Variants in AFF1 observed in about 807,000 individuals in gnomAD.
AFF1 encodes ALF transcription elongation factor 1.
In AFF1, 48 loss-of-function variants were observed where a neutral mutation model predicts 121.7. That is an observed-to-expected ratio of 0.39 (90% confidence interval 0.31 to 0.50). The LOEUF is 0.50. Among genes scored for constraint, AFF1 ranks in the 20% least tolerant of loss-of-function variants. The pLI is 0.76. For synonymous variants in AFF1, 613 were observed against 563.0 expected (o/e 1.09, Z -1.26); for missense variants, 1,523 against 1,511.7 (o/e 1.01, Z -0.12).
intron 2 of AFF1, among the ~76,000 whole-genome samples, chr4:86,981,889 A>C (rs1007615445): frequency 5.3e-5 from 8 of 152,218 alleles, no homozygotes; most frequent in Admixed American, 4.6e-4. Flanking sequence ...TCTGCTCTTC[A>C]GTTTATACAC....
intron 2 of AFF1, chr4:87,007,518 C>A: frequency 1.3e-6 from 2 of 1,525,364 alleles, no homozygotes; most frequent in Non-Finnish European, 1.8e-6. Context: ...AGGAGACGGA[C>A]AGGAAGCAGC....
At chr4:87,000,325 C>T (rs541467354) in intron 2 of AFF1, among the ~76,000 whole-genome samples, 6 of 152,194 alleles carry the variant, frequency 3.9e-5, no homozygotes, top group Admixed American at 6.5e-5. Context: ...AAAACTGTCA[C>T]GAAAAACAAG....
Position 86,939,906 on chromosome 4 carries a change from A to T in AFF1, c.-37+4666A>T, listed in dbSNP as rs145480207. Among the ~76,000 whole-genome samples the T allele has an allele frequency of 3.5e-3, 540 of 152,368 alleles. 3 individuals are homozygous for T. The highest frequency in any genetic ancestry group is 6.0e-3 in the Non-Finnish European group (407 of 68,028). On this transcript the variant is annotated intron_variant, in intron 1 of 20. Coordinates refer to ENST00000395146, the MANE Select transcript of AFF1 (RefSeq NM_001166693.3). ...CTGTTATTTCTGGAACAACACTTTGAGAACCACTGTGGTATAGCAGAGAGT... is the reference window on the plus strand; with the variant it reads ...CTGTTATTTCTGGAACAACACTTTGTGAACCACTGTGGTATAGCAGAGAGT...
intron 2 of AFF1, among the ~76,000 whole-genome samples, chr4:87,019,868 T>G (rs1049993498): frequency 5.8e-5 from 4 of 68,656 alleles, no homozygotes; most frequent in Non-Finnish European, 8.3e-5. Flanking sequence ...GACCTGTGAC[T>G]GGTGTCTGAA....
intron 2 of AFF1, among the ~76,000 whole-genome samples, chr4:87,035,218 G>A (rs773908489): frequency 7.9e-5 from 12 of 152,086 alleles, no homozygotes; most frequent in Non-Finnish European, 1.6e-4. Flanking sequence ...AACGCAGGAA[G>A]GGTGCTCTTA....
chr4:87,138,178 C>T lies in AFF1; in HGVS notation c.*2477C>T, dbSNP rs1349016840. 1 of 232,326 alleles carries T rather than the reference C, an allele frequency of 4.3e-6. No individual in the cohort carries two copies. Among genetic ancestry groups the T allele is most frequent in the African/African-American group, 2.2e-5 (1 of 45,234 alleles). The allele number at this position is 232,326 out of a possible 1,614,324, so 14.4% of individuals were successfully genotyped here. A position where few individuals can be genotyped will look rare whatever the true frequency, so the allele number is the denominator to read the frequency against. Reference sequence around the variant, plus strand: ...CCTAAAGGAGAGTAACTAATGGTAACCTTTTTAATAGAGTATGTGAAAGGT... The same window carrying T: ...CCTAAAGGAGAGTAACTAATGGTAATCTTTTTAATAGAGTATGTGAAAGGT... On this transcript the variant is annotated 3_prime_UTR_variant, in exon 21 of 21. Transcript: ENST00000395146.
intron 1 of AFF1, among the ~76,000 whole-genome samples, chr4:86,940,642 C>T (rs1403341491): frequency 5.3e-5 from 8 of 152,130 alleles, no homozygotes; most frequent in Non-Finnish European, 1.2e-4. Context: ...TCAGATGATC[C>T]ACCCGCCTCA....
intron 2 of AFF1, among the ~76,000 whole-genome samples, chr4:86,982,585 T>C (rs1578891878): frequency 6.6e-6 from 1 of 151,078 alleles, no homozygotes; most frequent in African/African-American, 2.4e-5. Flanking sequence ...GGGCTGGGCG[T>C]GGTGGCTCAT....
rs138701635 is a variant in AFF1 at position 87,095,170 on chromosome 4, G to A, written c.1283+201G>A. Among the ~76,000 whole-genome samples, 397 of 152,312 alleles carry A rather than the reference G, an allele frequency of 2.6e-3. 2 individuals carry two copies. Among genetic ancestry groups the A allele is most frequent in the African/African-American group, 9.0e-3 (374 of 41,564 alleles). On this transcript the variant is annotated intron_variant, in intron 8 of 20. Transcript: ENST00000395146. The stretch of plus-strand genomic sequence containing the variant: ...TCTTAACTCTGTTGCCCAGGTGGGA[G>A]TGCAGTGGCATGATCTCGGCTCACT...
intron 4 of AFF1, among the ~76,000 whole-genome samples, chr4:87,071,914 A>T (rs921120547): frequency 2.0e-5 from 3 of 152,160 alleles, no homozygotes; most frequent in Non-Finnish European, 2.9e-5. Context: ...AAAACACTGA[A>T]AAGATTGGAG....
At chr4:86,979,698 C>T (rs7665282) in intron 2 of AFF1, among the ~76,000 whole-genome samples, 31,929 of 152,064 alleles carry the variant, frequency 0.21, 3,514 homozygotes, top group East Asian at 0.31. Flanking sequence ...CTACATTTAG[C>T]TATCATATCT....
chr4:86,964,796 TG>T (rs1338146070), intron 2 of AFF1, among the ~76,000 whole-genome samples: 1 of 152,260 alleles, frequency 6.6e-6, no homozygotes, highest in Non-Finnish European at 1.5e-5. Flanking sequence ...ATTAAATTTC[TG>T]TTTGCATTAT....
intron 1 of AFF1, among the ~76,000 whole-genome samples, chr4:86,946,845 A>T (rs1720902238): frequency 6.6e-6 from 1 of 152,028 alleles, no homozygotes; most frequent in African/African-American, 2.4e-5. Context: ...ACTCTCCACC[A>T]AAGAGCCCTA....
In AFF1 at chr4:87,047,169, C is replaced by T; in HGVS notation, c.634C>T (p.Pro212Ser). 5.0e-6 allele frequency: 8 copies of T among 1,614,160 alleles called. No individual in the cohort carries two copies. Among genetic ancestry groups the T allele is most frequent in the Non-Finnish European group, 5.9e-6 (7 of 1,180,030 alleles). Residue 212 changes from proline to serine, a missense_variant, in exon 4 of 21, where the codon CCT becomes TCT. Physicochemically the swap from Pro to Ser is moderately conservative, Grantham distance 74. Around this residue, in one of 5 missense-constraint regions of AFF1, gnomAD observed 369 missense variants for 367.2 expected, o/e 1.00. Transcript: ENST00000395146. ...ERELSPLISL[P>S]SPVPPLSPIH... ...GGAGCTTTCTCCCTTAATCTCTTTG[C>T]CTTCCCCAGTTCCCCCTTTGTCACC...
chr4:87,014,539 A>G (rs982862316), intron 2 of AFF1, among the ~76,000 whole-genome samples: 2 of 152,272 alleles, frequency 1.3e-5, no homozygotes, highest in Non-Finnish European at 2.9e-5. Flanking sequence ...AAAATTCAGG[A>G]AACAGTCTTT....
At chr4:87,055,533 G>A (rs1297315448) in intron 4 of AFF1, among the ~76,000 whole-genome samples, 2 of 152,262 alleles carry the variant, frequency 1.3e-5, no homozygotes, top group Middle Eastern at 3.4e-3. Context: ...CTCCAGTTGT[G>A]CCTTTGCCAA....
chr4:87,005,136 C>T (rs1726001415), intron 2 of AFF1, among the ~76,000 whole-genome samples: 1 of 152,194 alleles, frequency 6.6e-6, no homozygotes, highest in Non-Finnish European at 1.5e-5. Context: ...CCACTATGCT[C>T]AGCTAATTTT....
intron 1 of AFF1, chr4:86,935,666 C>T (rs1719917927): frequency 6.6e-6 from 1 of 152,280 alleles, no homozygotes; most frequent in Non-Finnish European, 1.5e-5. Flanking sequence ...GTTCTTCTCT[C>T]CTGCACCCCG....
At chr4:87,109,736 C>T (rs911369496) in intron 11 of AFF1, among the ~76,000 whole-genome samples, 2 of 152,034 alleles carry the variant, frequency 1.3e-5, no homozygotes, top group South Asian at 2.1e-4. Context: ...GATAGTCTGG[C>T]GTTTGTAGTA....
Sources: gnomAD v4.1 joint callset for allele counts (sites outside exome capture counted in the v4.1 genomes callset) on GRCh38, gnomAD v4.1.1 for gene constraint, gnomAD v4.1.1 regional missense constraint, MANE v1.5 for transcripts, NCBI Gene and HGNC (gene_info 2026-07-23, HGNC 2026-07-21) for gene names.